Variants in BATF3 observed in about 807,000 individuals in gnomAD.
BATF3 encodes basic leucine zipper ATF-like transcription factor 3, also known as basic leucine zipper transcriptional factor ATF-like 3.
BATF3 carries 8 observed loss-of-function variants against 16.1 expected under a neutral mutation model. The ratio of observed to expected loss-of-function variants is 0.50; its 90% CI spans 0.29 to 0.90. The LOEUF (loss-of-function observed/expected upper bound fraction) is 0.90, where lower values mean the gene tolerates loss of function less well. Ranked by LOEUF, BATF3 falls within the 40% of genes least tolerant of loss-of-function variation. The probability of loss-of-function intolerance (pLI) is 0.08; values close to 1 mark genes in which losing one functional copy is unlikely to be tolerated. For synonymous variants in BATF3, 74 were observed against 72.7 expected (o/e 1.02, Z -0.09); for missense variants, 139 against 167.0 (o/e 0.83, Z 0.92).
chr1:212,689,635 G>A lies in BATF3; in HGVS notation c.196-2656C>T, dbSNP rs1015587030. 6.6e-6 allele frequency among the ~76,000 whole-genome samples: 1 copy of A among 152,128 alleles called. No individual in the cohort carries two copies. Among genetic ancestry groups the A allele is most frequent in the Non-Finnish European group, 1.5e-5 (1 of 68,020 alleles). On this transcript the variant is annotated intron_variant, in intron 2 of 2. Transcript: ENST00000243440. The surrounding 1 kb of genome is among the most constrained non-coding windows in gnomAD (Gnocchi z 4.6). ...ATGGGAGGATGGGATGGAAGCCAGG[G>A]CGTCAAGGGAATCATGCAGGCAGCA... is the stretch of plus-strand genomic sequence containing the variant.
At chr1:212,687,367 C>T (rs1656876080) in intron 2 of BATF3, 1 of 212,610 alleles carries the variant, frequency 4.7e-6, no homozygotes, top group African/African-American at 2.2e-5. Context: ...AGCTATATCC[C>T]CAGCACCTAG....
Position 212,699,765 on chromosome 1 carries a change from CG to C in BATF3, c.-4del. On this transcript the variant is annotated 5_prime_UTR_variant, in exon 1 of 3. Coordinates refer to ENST00000243440, the MANE Select transcript of BATF3 (RefSeq NM_018664.3). This position sits in a 1 kb window ranked among gnomAD's most constrained non-coding sequence, Gnocchi z 4.4. ...GCGGCCGGGAGCCCTTGCGACATGC[CG>C]GGCGCTCCTCTGGCCCGGCCCGCCC... 7.9e-7 allele frequency: 1 copy of C among 1,265,808 alleles called. No homozygotes were observed. Among genetic ancestry groups the C allele is most frequent in the Non-Finnish European group, 1.0e-6 (1 of 1,003,040 alleles). The allele number at this position is 1,265,808 out of a possible 1,614,324, so 78.4% of individuals were successfully genotyped here.
intron 2 of BATF3, among the ~76,000 whole-genome samples, chr1:212,696,628 G>T (rs765771721): frequency 6.6e-6 from 1 of 152,062 alleles, no homozygotes; most frequent in African/African-American, 2.4e-5. Flanking sequence ...AGATGTTAGC[G>T]GATTACTTTG....
chr1:212,695,067 C>T (rs149613993), intron 2 of BATF3, among the ~76,000 whole-genome samples: 33 of 152,310 alleles, frequency 2.2e-4, no homozygotes, highest in African/African-American at 7.7e-4. Flanking sequence ...CTTGCTGAGA[C>T]GAGCATGGCA....
intron 2 of BATF3, among the ~76,000 whole-genome samples, chr1:212,690,996 G>T (rs1380125836): frequency 6.6e-6 from 1 of 152,196 alleles, no homozygotes; most frequent in Non-Finnish European, 1.5e-5. Flanking sequence ...AGAGGCCAGG[G>T]ATGCTGCTCA....
At chr1:212,698,321 T>TA (rs1453953317) in intron 1 of BATF3, 1 of 152,248 alleles carries the variant, frequency 6.6e-6, no homozygotes, top group Non-Finnish European at 1.5e-5. Context: ...GTAAATGGTT[T>TA]AAATTCTCTA....
Position 212,690,150 on chromosome 1 carries a change from T to C in BATF3, c.196-3171A>G, listed in dbSNP as rs563656813. On this transcript the variant is annotated intron_variant, in intron 2 of 2. Coordinates refer to ENST00000243440, the MANE Select transcript of BATF3 (RefSeq NM_018664.3). ...AAGTAAAATGGAGAGTACATTTGAA[T>C]AGTTCCAATGTGCTAACATTTTAAG... 2.6e-5 allele frequency among the ~76,000 whole-genome samples: 4 copies of C among 152,336 alleles called. No individual in the cohort carries two copies. In the South Asian group the frequency reaches 8.3e-4, roughly 32 times the overall value.
rs1436291386 is a variant in BATF3 at position 212,699,712 on chromosome 1, C to T, written c.51G>A (p.Ala17=). Residue 17 remains alanine (A), a synonymous_variant, in exon 1 of 3, where the codon GCG becomes GCA. Coordinates refer to ENST00000243440, the MANE Select transcript of BATF3 (RefSeq NM_018664.3). This position sits in a 1 kb window ranked among gnomAD's most constrained non-coding sequence, Gnocchi z 4.4. The part of the protein sequence containing the change: ...AAGSVLQRSV[A]APGNQPQPQP... Reference sequence around the variant, plus strand: ...GCGGCTGCGGCTGGTTCCCGGGCGCCGCGACGCTCCTCTGCAGGACGCTGC... The same window carrying T: ...GCGGCTGCGGCTGGTTCCCGGGCGCTGCGACGCTCCTCTGCAGGACGCTGC... 7.4e-7 allele frequency: 1 copy of T among 1,348,872 alleles called. No individual in the cohort carries two copies. The highest frequency in any genetic ancestry group is 3.0e-5 in the Admixed American group (1 of 33,814). The allele number at this position is 1,348,872 out of a possible 1,614,324, so 83.6% of individuals were successfully genotyped here.
Position 212,686,418 on chromosome 1 carries a change from C to G in BATF3, c.*373G>C, listed in dbSNP as rs183945055. On this transcript the variant is annotated 3_prime_UTR_variant, in exon 3 of 3. Coordinates refer to ENST00000243440, the MANE Select transcript of BATF3 (RefSeq NM_018664.3). Reference sequence around the variant, plus strand: ...CCAGAGAAGACAGAAGACGACCTCTCCAGGAAAAGGAAGTGTATTGTGCCT... The same window carrying G: ...CCAGAGAAGACAGAAGACGACCTCTGCAGGAAAAGGAAGTGTATTGTGCCT... 1 of 192,592 alleles carries G rather than the reference C, an allele frequency of 5.2e-6. No individual in the cohort carries two copies. Among genetic ancestry groups the G allele is most frequent in the Non-Finnish European group, 1.1e-5 (1 of 91,876 alleles). The allele number at this position is 192,592 out of a possible 1,614,324, so 11.9% of individuals were successfully genotyped here.
At chr1:212,696,246 G>C (rs1027595093) in intron 2 of BATF3, among the ~76,000 whole-genome samples, 2 of 152,196 alleles carry the variant, frequency 1.3e-5, no homozygotes, top group Non-Finnish European at 2.9e-5. Flanking sequence ...CGGCGAAGAG[G>C]GTTAGGAAAA....
chr1:212,699,206 T>A lies in BATF3; in HGVS notation c.90+467A>T, dbSNP rs951265870. 8.6e-5 allele frequency among the ~76,000 whole-genome samples: 13 copies of A among 152,006 alleles called. No individual in the cohort carries two copies. Among genetic ancestry groups the A allele is most frequent in the Non-Finnish European group, 1.8e-4 (12 of 67,978 alleles). ...GGGGGCGGAGTCGGCCCTTTGTGGG[T>A]TCCCTCCGCCCAGGCTGACTAGTCC... is the stretch of plus-strand genomic sequence containing the variant. On this transcript the variant is annotated intron_variant, in intron 1 of 2. Transcript: ENST00000243440. The surrounding 1 kb of genome is among the most constrained non-coding windows in gnomAD (Gnocchi z 4.4).
intron 2 of BATF3, among the ~76,000 whole-genome samples, chr1:212,691,647 G>C (rs1305164121): frequency 6.6e-6 from 1 of 152,208 alleles, no homozygotes; most frequent in Non-Finnish European, 1.5e-5. Context: ...AAAAAACCAT[G>C]GCAACACATA....
At chr1:212,697,739 T>C (rs3768547) in intron 1 of BATF3, 1 of 152,144 alleles carries the variant, frequency 6.6e-6, no homozygotes. Context: ...TATGTAAGAT[T>C]TAACCAAATT....
intron 2 of BATF3, among the ~76,000 whole-genome samples, chr1:212,695,275 A>C (rs1415206187): frequency 6.6e-6 from 1 of 152,032 alleles, no homozygotes; most frequent in Non-Finnish European, 1.5e-5. Context: ...CGGGTGAATC[A>C]CGAGGTGAGG....
chr1:212,697,119 T>A (rs1657152269), intron 1 of BATF3, 54 bp from the exon 2 acceptor site: 2 of 1,390,328 alleles, frequency 1.4e-6, no homozygotes, highest in East Asian at 4.6e-5. Flanking sequence ...CTTACCCTTT[T>A]CTGCCCTGTC....
intron 2 of BATF3, among the ~76,000 whole-genome samples, chr1:212,693,571 C>G (rs1657053223): frequency 6.6e-6 from 1 of 152,064 alleles, no homozygotes. Flanking sequence ...GGCTTCAGAT[C>G]AACCCACCCC....
chr1:212,699,346 G>C lies in BATF3; in HGVS notation c.90+327C>G, dbSNP rs1289801828. On this transcript the variant is annotated intron_variant, in intron 1 of 2. Transcript: ENST00000243440. This position sits in a 1 kb window ranked among gnomAD's most constrained non-coding sequence, Gnocchi z 4.4. ...CTGCGCCAGGATGGGGCGGCCCTCA[G>C]GGCAGTGCGGAGCCCACGTGCCGGG... Among the ~76,000 whole-genome samples the C allele has an allele frequency of 1.3e-5, 2 of 152,104 alleles. No individual in the cohort carries two copies. The highest frequency in any genetic ancestry group is 4.8e-5 in the African/African-American group (2 of 41,410).
chr1:212,686,742 G>C lies in BATF3; in HGVS notation c.*49C>G, dbSNP rs1311893258. On this transcript the variant is annotated 3_prime_UTR_variant, in exon 3 of 3. Transcript: ENST00000243440. Reference sequence around the variant, plus strand: ...TGTGAAGGAAAAGCCTTCCTCCCAGGTATGAAAATGACCAAGGCTCCTTGC... The same window carrying C: ...TGTGAAGGAAAAGCCTTCCTCCCAGCTATGAAAATGACCAAGGCTCCTTGC... 3 of 1,573,436 alleles carry C rather than the reference G, an allele frequency of 1.9e-6. No homozygotes were observed. Among genetic ancestry groups the C allele is most frequent in the Non-Finnish European group, 1.7e-6 (2 of 1,158,998 alleles).
intron 2 of BATF3, 45 bp downstream of exon 2, chr1:212,696,916 G>A: frequency 6.9e-7 from 1 of 1,449,098 alleles, no homozygotes; most frequent in South Asian, 1.1e-5. Flanking sequence ...GTGCAAGGCA[G>A]AGGCTGTGTG....
Sources: allele counts gnomAD v4.1 joint callset (sites outside exome capture counted in the v4.1 genomes callset), GRCh38; gene constraint gnomAD v4.1.1; non-coding constraint Gnocchi (gnomAD v3.1); transcripts MANE v1.5; gene names NCBI Gene and HGNC (gene_info 2026-07-23, HGNC 2026-07-21).